Variants in AKT3 observed in about 807,000 individuals in gnomAD.
AKT3 encodes the protein RAC-gamma serine/threonine-protein kinase.
A neutral mutation model predicts 65.3 loss-of-function variants in AKT3; 15 were observed. The observed-to-expected ratio is 0.23, with a 90% CI of 0.15 to 0.35. The LOEUF (loss-of-function observed/expected upper bound fraction) is 0.35, where lower values mean the gene tolerates loss of function less well. AKT3 is among the 10% of genes least tolerant of loss of function. The pLI is 1.00. For missense variants in AKT3, 243 were observed against 576.5 expected, an observed-to-expected ratio of 0.42 and a Z score of 5.92; for synonymous variants, 206 against 183.8, an observed-to-expected ratio of 1.12 and a Z score of -0.98.
chr1:243,850,510 C>T (rs1469581505), upstream of AKT3, among the ~76,000 whole-genome samples: 2 of 151,478 alleles, frequency 1.3e-5, no homozygotes, highest in East Asian at 2.0e-4. Flanking sequence ...GCGGCCTCCT[C>T]CCGGGCTGCG....
chr1:243,669,208 A>G (rs946953211), intron 3 of AKT3, among the ~76,000 whole-genome samples: 1 of 152,198 alleles, frequency 6.6e-6, no homozygotes, highest in East Asian at 1.9e-4. Context: ...ATATTACTTA[A>G]AAGTTAGGAA....
intron 8 of AKT3, among the ~76,000 whole-genome samples, chr1:243,588,953 T>A (rs990795119): frequency 6.6e-6 from 1 of 152,004 alleles, no homozygotes; most frequent in African/African-American, 2.4e-5. Context: ...GTCAAAAACC[T>A]ATGGAATGGG....
chr1:243,656,750 C>G (rs1026809854), intron 4 of AKT3, among the ~76,000 whole-genome samples: 4 of 152,190 alleles, frequency 2.6e-5, no homozygotes, highest in Non-Finnish European at 5.9e-5. Context: ...TACGTGTGCG[C>G]ATGCACATGT....
intron 2 of AKT3, among the ~76,000 whole-genome samples, chr1:243,808,743 T>G (rs1036917553): frequency 6.6e-6 from 1 of 151,942 alleles, no homozygotes; most frequent in Non-Finnish European, 1.5e-5. Flanking sequence ...TTCGCCAAAG[T>G]TGAAATGAAG....
chr1:243,670,095 A>C (rs10158245), intron 3 of AKT3, among the ~76,000 whole-genome samples: 77,801 of 152,066 alleles, frequency 0.51, 24,127 homozygotes, highest in Non-Finnish European at 0.69. Context: ...TTTATGCTAT[A>C]AAGGGTTTAA....
chr1:243,692,941 A>G (rs568074732), intron 3 of AKT3, among the ~76,000 whole-genome samples: 14 of 151,990 alleles, frequency 9.2e-5, no homozygotes, highest in African/African-American at 3.4e-4. Context: ...ATAATTTATT[A>G]TAAGTAGTTT....
chr1:243,644,655 T>C (rs1188197959), intron 5 of AKT3, among the ~76,000 whole-genome samples: 4 of 152,204 alleles, frequency 2.6e-5, no homozygotes, highest in African/African-American at 9.6e-5. Context: ...TAAAACATCT[T>C]CTCTTAGAAT....
chr1:243,708,436 A>C (rs1178127093), intron 2 of AKT3, among the ~76,000 whole-genome samples: 1 of 152,066 alleles, frequency 6.6e-6, no homozygotes, highest in Non-Finnish European at 1.5e-5. Flanking sequence ...TTCAGAAAAC[A>C]ATCTTTACCT....
In AKT3 at chr1:243,663,529, A is replaced by G. The variant is rs564569188; in HGVS notation, c.284+1243T>C. Among the ~76,000 whole-genome samples the G allele has an allele frequency of 1.1e-3, 174 of 152,270 alleles. 1 individual carries two copies. Among genetic ancestry groups the G allele is most frequent in the African/African-American group, 4.1e-3 (169 of 41,562 alleles). On this transcript the variant is annotated intron_variant, in intron 4 of 13. Coordinates refer to ENST00000673466, the MANE Select transcript of AKT3 (RefSeq NM_005465.7). ...GGGACCCATACCCAGAACTGTATCT[A>G]TATGAAAGGCCTAATTACGTCTGCA... is the stretch of plus-strand genomic sequence containing the variant.
intron 5 of AKT3, among the ~76,000 whole-genome samples, chr1:243,640,545 C>T (rs1008800041): frequency 1.3e-5 from 2 of 152,190 alleles, no homozygotes; most frequent in Admixed American, 6.5e-5. Context: ...AGCTCTAATG[C>T]TGTCAGTTAG....
chr1:243,607,387 CGGAGTTAAA>C (rs1677507469), intron 8 of AKT3, among the ~76,000 whole-genome samples: 1 of 152,192 alleles, frequency 6.6e-6, no homozygotes, highest in South Asian at 2.1e-4. Context: ...ATGTCAGACA[CGGAGTTAAA>C]GGAGATCATT....
chr1:243,705,777 C>CTGCT (rs983102417), intron 2 of AKT3, among the ~76,000 whole-genome samples: 9 of 152,020 alleles, frequency 5.9e-5, no homozygotes, highest in Non-Finnish European at 8.8e-5. Context: ...ACGCAGCCTC[C>CTGCT]TGCTGGGTTA....
At position 243,697,824 on chromosome 1, in the gene AKT3, T is replaced by C. The variant is rs1685153909; in HGVS notation, c.47-2108A>G. ...CAGTGACAGCATATACTGTCAGTTG[T>C]TTTCCTTGAGGTGATAATACTCTAC... On this transcript the variant is annotated intron_variant, in intron 2 of 13. Coordinates refer to ENST00000673466, the MANE Select transcript of AKT3 (RefSeq NM_005465.7). 2.0e-5 allele frequency among the ~76,000 whole-genome samples: 3 copies of C among 152,046 alleles called. No homozygotes were observed. The South Asian group carries it at 6.2e-4, about 31-fold the overall frequency.
intron 8 of AKT3, among the ~76,000 whole-genome samples, chr1:243,585,855 G>A (rs759881958): frequency 5.9e-5 from 9 of 151,964 alleles, no homozygotes; most frequent in Non-Finnish European, 1.2e-4. Context: ...CTAAGTCCTC[G>A]ATAGCAATTG....
chr1:243,628,003 G>C (rs1679306668), intron 6 of AKT3, among the ~76,000 whole-genome samples: 1 of 152,212 alleles, frequency 6.6e-6, no homozygotes, highest in East Asian at 1.9e-4. Flanking sequence ...CTGCAACTCA[G>C]ACTGGAGCTT....
intron 2 of AKT3, among the ~76,000 whole-genome samples, chr1:243,724,208 TAATACA>T (rs551036581): frequency 8.2e-6 from 1 of 121,714 alleles, no homozygotes; most frequent in Non-Finnish European, 1.8e-5. Context: ...ACAAACAAGA[TAATACA>T]AGGTAGGCCA....
rs564686567 is a variant in AKT3, at chr1:243,817,226, C to T, written c.46+25899G>A. Among the ~76,000 whole-genome samples the T allele has an allele frequency of 2.0e-5, 3 of 152,240 alleles. No homozygotes were observed. In the East Asian group the frequency reaches 5.8e-4, roughly 29 times the overall value. On this transcript the variant is annotated intron_variant, in intron 2 of 13. Coordinates refer to ENST00000673466, the MANE Select transcript of AKT3 (RefSeq NM_005465.7). ...CACCCATAGGAATGACTCTAGGTGA[C>T]ATCTCCAAGAGAACCATGGACTCAA...
Position 243,605,931 on chromosome 1 carries a change from G to A in AKT3, c.696+7740C>T, listed in dbSNP as rs138866740. On this transcript the variant is annotated intron_variant, in intron 8 of 13. Transcript: ENST00000673466. ...TTATCTCCATGCTGTTCTGCTGATA[G>A]TGAGTGAGTTCTGATGAAATCTGAT... Among the ~76,000 whole-genome samples the A allele has an allele frequency of 4.7e-3, 713 of 152,308 alleles. 5 individuals are homozygous for A. Among genetic ancestry groups the A allele is most frequent in the African/African-American group, 0.017 (690 of 41,562 alleles).
At chr1:243,829,103 T>C (rs933288261) in intron 2 of AKT3, among the ~76,000 whole-genome samples, 8 of 152,188 alleles carry the variant, frequency 5.3e-5, no homozygotes, top group African/African-American at 1.4e-4. Context: ...TCCGAATCTC[T>C]TGACAAGGGG....
Sources: gnomAD v4.1 joint callset for allele counts (sites outside exome capture counted in the v4.1 genomes callset) on GRCh38, gnomAD v4.1.1 for gene constraint, MANE v1.5 for transcripts, NCBI Gene and HGNC (gene_info 2026-07-23, HGNC 2026-07-21) for gene names.